The following NGEF variants were observed in gnomAD, a reference collection of about 807,000 sequenced individuals.
NGEF encodes the protein neuronal guanine nucleotide exchange factor.
NGEF carries 31 observed loss-of-function variants against 80.9 expected under a neutral mutation model. The observed-to-expected ratio is 0.38, with a 90% confidence interval of 0.29 to 0.52. NGEF has a LOEUF of 0.52. Among genes scored for constraint, NGEF ranks in the 20% least tolerant of loss-of-function variants. The probability of loss-of-function intolerance (pLI) is 0.84; values close to 1 mark genes in which losing one functional copy is unlikely to be tolerated. For missense variants in NGEF, 709 were observed against 926.2 expected (o/e 0.77, Z 3.04); for synonymous variants, 371 against 370.2 (o/e 1.00, Z -0.03).
At chr2:232,944,726 A>AATATATAT (rs57851903) in intron 3 of NGEF, among the ~76,000 whole-genome samples, 3,381 of 107,934 alleles carry the variant, frequency 0.031, 118 homozygotes, top group African/African-American at 0.044. Flanking sequence ...GACTTTTCCG[A>AATATATAT]ATATATATAT....
chr2:232,903,807 A>G (rs1424540092), intron 5 of NGEF, among the ~76,000 whole-genome samples: 1 of 152,256 alleles, frequency 6.6e-6, no homozygotes, highest in Non-Finnish European at 1.5e-5. Context: ...TGGTAAATTA[A>G]AGAATGATCA....
chr2:232,973,604 GC>G lies in NGEF; in HGVS notation c.268+1018del, dbSNP rs565574887. Among the ~76,000 whole-genome samples the G allele has an allele frequency of 1.4e-3, 214 of 152,314 alleles. 1 individual carries two copies. The Middle Eastern group carries it at 0.017, about 12-fold the overall frequency. On this transcript the variant is annotated intron_variant, in intron 2 of 14. Coordinates refer to ENST00000264051, the MANE Select transcript of NGEF (RefSeq NM_019850.3). ...CTGCCATATGCATAAGCCTGGGCCA[GC>G]CTGCTGGGGGATGAGAGACCACGTG...
rs1311342350 is a variant in NGEF at position 232,892,852 on chromosome 2, C to G, written c.1142+46G>C. The G allele has an allele frequency of 1.9e-6, 3 of 1,595,108 alleles. No homozygotes were observed. The highest frequency in any genetic ancestry group is 1.7e-5 in the Admixed American group (1 of 59,292). ...CTGGGCCAGCACTGGTATGGCTGCC[C>G]CGGGCACCTCCCCCTGCCCCTGAGC... is the stretch of plus-strand genomic sequence containing the variant. On this transcript the variant is annotated intron_variant, in intron 7 of 14. Coordinates refer to ENST00000264051, the MANE Select transcript of NGEF (RefSeq NM_019850.3). This position sits in a 1 kb window ranked among gnomAD's most constrained non-coding sequence, Gnocchi z 4.0.
chr2:232,888,511 A>G (rs1013852097), intron 8 of NGEF, among the ~76,000 whole-genome samples: 1 of 151,580 alleles, frequency 6.6e-6, no homozygotes, highest in Non-Finnish European at 1.5e-5. Context: ...AAACATGCAT[A>G]CAAGCATGTG....
chr2:232,983,129 C>T (rs879291816), intron 1 of NGEF, among the ~76,000 whole-genome samples: 2 of 151,882 alleles, frequency 1.3e-5, no homozygotes, highest in African/African-American at 2.4e-5. Flanking sequence ...AAGGTGAGGG[C>T]GAGAGAAAGA....
intron 1 of NGEF, among the ~76,000 whole-genome samples, chr2:232,995,618 CGTATGTATACTG>C (rs1694821497): frequency 1.5e-5 from 1 of 66,868 alleles, no homozygotes; most frequent in Non-Finnish European, 3.1e-5. Context: ...AGTATGTATA[CGTATGTATACTG>C]TATATATGTA....
intron 5 of NGEF, among the ~76,000 whole-genome samples, chr2:232,918,108 G>A (rs879789133): frequency 9.9e-5 from 15 of 152,212 alleles, no homozygotes; most frequent in South Asian, 2.1e-4. Context: ...ACAGGTGGGC[G>A]CCACCACACC....
At chr2:232,988,924 T>C (rs1046397617) in intron 1 of NGEF, among the ~76,000 whole-genome samples, 5 of 152,192 alleles carry the variant, frequency 3.3e-5, no homozygotes, top group Admixed American at 3.3e-4. Context: ...ATTTTGTATG[T>C]TTCTATCAGC....
chr2:232,996,745 T>A (rs527339535), intron 1 of NGEF, among the ~76,000 whole-genome samples: 58 of 152,278 alleles, frequency 3.8e-4, no homozygotes, highest in Non-Finnish European at 7.5e-4. Flanking sequence ...TCTGTCTGCC[T>A]CAGCCTCCCA....
chr2:232,951,851 G>T (rs1368848474), intron 3 of NGEF, among the ~76,000 whole-genome samples: 1 of 152,168 alleles, frequency 6.6e-6, no homozygotes, highest in Non-Finnish European at 1.5e-5. Flanking sequence ...TATAGTCAAT[G>T]TAACAGGGAA....
At chr2:232,886,930 G>T (rs529394907) in intron 9 of NGEF, among the ~76,000 whole-genome samples, 13 of 152,362 alleles carry the variant, frequency 8.5e-5, no homozygotes, top group Non-Finnish European at 1.5e-4. Context: ...CCTGCTTGAG[G>T]CTCCAGCCTT....
At chr2:232,953,131 G>A (rs1173984164) in intron 3 of NGEF, among the ~76,000 whole-genome samples, 1 of 151,386 alleles carries the variant, frequency 6.6e-6, no homozygotes, top group Non-Finnish European at 1.5e-5. Flanking sequence ...GTGAAACCCT[G>A]TCTCTACTAA....
chr2:232,884,522 G>A (rs1202183991), intron 10 of NGEF, among the ~76,000 whole-genome samples: 2 of 151,624 alleles, frequency 1.3e-5, no homozygotes, highest in Non-Finnish European at 2.9e-5. Flanking sequence ...TGTGAGTGTG[G>A]CAGCTAGTGT....
chr2:232,936,831 G>A (rs193109561), intron 3 of NGEF, among the ~76,000 whole-genome samples: 3 of 152,286 alleles, frequency 2.0e-5, no homozygotes, highest in Admixed American at 1.3e-4. Flanking sequence ...AGTAAGTTCT[G>A]TGAGTTCTTC....
At chr2:232,963,587 G>A (rs1693996022) in intron 3 of NGEF, among the ~76,000 whole-genome samples, 1 of 152,108 alleles carries the variant, frequency 6.6e-6, no homozygotes, top group African/African-American at 2.4e-5. Context: ...GCCGAGGCAG[G>A]CAGATCACCT....
At chr2:232,961,805 G>C (rs1447936986) in intron 3 of NGEF, among the ~76,000 whole-genome samples, 1 of 152,180 alleles carries the variant, frequency 6.6e-6, no homozygotes, top group East Asian at 1.9e-4. Flanking sequence ...ACACAAAAAA[G>C]AGTCCCCAGT....
chr2:232,986,672 A>G (rs1299610257), intron 1 of NGEF, among the ~76,000 whole-genome samples: 3 of 152,230 alleles, frequency 2.0e-5, no homozygotes, highest in African/African-American at 7.2e-5. Context: ...TCTTAGAAGC[A>G]GAGAGTAAAG....
chr2:232,994,957 ATATG>A (rs1452388037), intron 1 of NGEF, among the ~76,000 whole-genome samples: 1 of 112,924 alleles, frequency 8.9e-6, no homozygotes, highest in Non-Finnish European at 1.9e-5. Flanking sequence ...TAATACATAC[ATATG>A]TATTATATGT....
chr2:233,012,426 T>A (rs531955296), intron 1 of NGEF, among the ~76,000 whole-genome samples: 1 of 152,294 alleles, frequency 6.6e-6, no homozygotes, highest in African/African-American at 2.4e-5. Flanking sequence ...TTCTGAGGGG[T>A]AGGGCCTTCT....
Sources: allele counts gnomAD v4.1 joint callset (sites outside exome capture counted in the v4.1 genomes callset), GRCh38; gene constraint gnomAD v4.1.1; non-coding constraint Gnocchi (gnomAD v3.1); transcripts MANE v1.5; gene names NCBI Gene and HGNC (gene_info 2026-07-23, HGNC 2026-07-21).